FSHB: variants seen among roughly 807,000 people sequenced by gnomAD.
FSHB encodes the protein follicle stimulating hormone subunit beta, also known as follitropin subunit beta.
FSHB carries 8 observed loss-of-function variants against 12.1 expected under a neutral mutation model. That is an observed-to-expected ratio of 0.66 (90% CI 0.39 to 1.19). FSHB has a LOEUF of 1.19. FSHB is among the 50% of genes most tolerant of loss of function. The probability of loss-of-function intolerance (pLI) is 0.01; values close to 1 mark genes in which losing one functional copy is unlikely to be tolerated. For missense variants in FSHB, 153 were observed against 157.2 expected (o/e 0.97, Z 0.14); for synonymous variants, 55 against 54.6 (o/e 1.01, Z -0.04).
chr11:30,235,099 A>G lies in FSHB; in HGVS notation c.*1299A>G, dbSNP rs942796500. On this transcript the variant is annotated 3_prime_UTR_variant, in exon 3 of 3. Transcript: ENST00000533718. ...TGACTTAGATATTCTGTATTTTATA[A>G]TATTAGTGGAATGAAATCTTAAAAT... 3 of 151,692 alleles carry G rather than the reference A, an allele frequency of 2.0e-5. No individual in the cohort carries two copies. The highest frequency in any genetic ancestry group is 7.3e-5 in the African/African-American group (3 of 41,002). The allele number at this position is 151,692 out of a possible 1,614,324, so 9.4% of individuals were successfully genotyped here.
chr11:30,231,792 TGAG>T, intron 1 of FSHB, 71 bp from the exon 2 acceptor site: 2 of 1,157,596 alleles, frequency 1.7e-6, no homozygotes, highest in Non-Finnish European at 1.3e-6. Flanking sequence ...AAAATGTGAT[TGAG>T]GAGGATGAGC....
At chr11:30,232,250 T>C (rs1852018828) in intron 2 of FSHB, among the ~76,000 whole-genome samples, 189 bp downstream of exon 2, 1 of 152,228 alleles carries the variant, frequency 6.6e-6, no homozygotes, top group Non-Finnish European at 1.5e-5. Flanking sequence ...TGGATTTGAT[T>C]TGGGTAAATT....
At position 30,233,911 on chromosome 11, in the gene FSHB, C is replaced by A; in HGVS notation, c.*111C>A. 1.2e-6 allele frequency: 1 copy of A among 859,994 alleles called. No individual in the cohort carries two copies. The highest frequency in any genetic ancestry group is 1.9e-6 in the Non-Finnish European group (1 of 528,906). The allele number at this position is 859,994 out of a possible 1,614,324, so 53.3% of individuals were successfully genotyped here. ...GGACAAACCACTGGATCAGGGGATT[C>A]AGACTCTACTGATCCCTGGTCTACT... is the stretch of plus-strand genomic sequence containing the variant. On this transcript the variant is annotated 3_prime_UTR_variant, in exon 3 of 3. Transcript: ENST00000533718.
rs6170 is a variant in FSHB, at chr11:30,231,961, G to T, written c.59G>T (p.Ser20Ile). 3,940 of 1,613,922 alleles carry T rather than the reference G, an allele frequency of 2.4e-3. 10 individuals are homozygous for T. Among genetic ancestry groups the T allele is most frequent in the Non-Finnish European group, 2.8e-3 (3,266 of 1,179,880 alleles). The change falls in exon 2 of 3, where the codon AGC (serine) becomes ATC (isoleucine). Residue 20 changes from serine to isoleucine, a missense_variant. Transcript: ENST00000533718. ...FCCWKAICCNSCELTNITIAI... is the reference protein window; with the variant it reads ...FCCWKAICCNICELTNITIAI... ...TGCTGGAAAGCAATCTGCTGCAATAGCTGTGAGCTGACCAACATCACCATT... is the reference window on the plus strand; with the variant it reads ...TGCTGGAAAGCAATCTGCTGCAATATCTGTGAGCTGACCAACATCACCATT...
rs918339866 is a variant in FSHB at position 30,233,823 on chromosome 11, A to G, written c.*23A>G. Reference sequence around the variant, plus strand: ...TAAAGATCAGTGGACATTTCAGGCCACATACCCTTGTCCTGAAGGACCAAG... The same window carrying G: ...TAAAGATCAGTGGACATTTCAGGCCGCATACCCTTGTCCTGAAGGACCAAG... On this transcript the variant is annotated 3_prime_UTR_variant, in exon 3 of 3. Coordinates refer to ENST00000533718, the MANE Select transcript of FSHB (RefSeq NM_001382289.1). 1.5e-5 allele frequency: 24 copies of G among 1,592,882 alleles called. No individual in the cohort carries two copies. The highest frequency in any genetic ancestry group is 2.1e-5 in the Non-Finnish European group (24 of 1,161,522).
intron 2 of FSHB, 58 bp downstream of exon 2, chr11:30,232,119 C>G: frequency 6.5e-7 from 1 of 1,540,194 alleles, no homozygotes; most frequent in East Asian, 2.3e-5. Flanking sequence ...AGGCCGGTTT[C>G]ATTAGTTTCT....
Position 30,234,659 on chromosome 11 carries a change from C to T in FSHB, c.*859C>T. 1 of 152,116 alleles carries T rather than the reference C, an allele frequency of 6.6e-6. No individual in the cohort carries two copies. The highest frequency in any genetic ancestry group is 2.4e-5 in the African/African-American group (1 of 41,414). 9.4% of individuals were successfully genotyped at this position (152,116 alleles called of 1,614,324 possible). A position where few individuals can be genotyped will look rare whatever the true frequency, so the allele number is the denominator to read the frequency against. On this transcript the variant is annotated 3_prime_UTR_variant, in exon 3 of 3. Coordinates refer to ENST00000533718, the MANE Select transcript of FSHB (RefSeq NM_001382289.1). ...GAAAAAACCAAACTATCTCACCCTA[C>T]CCTCCCTAGGATCCACTTCTTTGGA...
At chr11:30,232,147 T>C in intron 2 of FSHB, 86 bp downstream of exon 2, 15 of 1,408,206 alleles carry the variant, frequency 1.1e-5, no homozygotes, top group Non-Finnish European at 1.2e-5. Context: ...CAATATTTTA[T>C]GTATTCTAAG....
chr11:30,231,949 T>A lies in FSHB; in HGVS notation c.47T>A (p.Ile16Asn). ...FFFLFCCWKA[I>N]CCNSCELTNI... ...TTCCTTTTCTGTTGCTGGAAAGCAA[T>A]CTGCTGCAATAGCTGTGAGCTGACC... Residue 16 changes from isoleucine (I) to asparagine (N), a missense_variant, in exon 2 of 3, where the codon ATC becomes AAC. Ile to Asn is a moderately radical substitution (Grantham distance 149). Coordinates refer to ENST00000533718, the MANE Select transcript of FSHB (RefSeq NM_001382289.1). 1 of 1,613,954 alleles carries A rather than the reference T, an allele frequency of 6.2e-7. No homozygotes were observed. The highest frequency in any genetic ancestry group is 1.1e-5 in the South Asian group (1 of 91,084).
At position 30,231,908 on chromosome 11, in the gene FSHB, G is replaced by A. The variant is rs770330659; in HGVS notation, c.6G>A (p.Lys2=). 9.3e-6 allele frequency: 15 copies of A among 1,613,680 alleles called. No homozygotes were observed. The African/African-American group carries it at 1.1e-4, about 11-fold the overall frequency. ...TGTTTGCTTCCCAGACCAGGATGAA[G>A]ACACTCCAGTTTTTCTTCCTTTTCT... M[K]TLQFFFLFCC... is the part of the protein sequence containing the mutation. The change falls in exon 2 of 3, where the codon AAG becomes AAA. Residue 2 remains lysine, a synonymous_variant. Transcript: ENST00000533718.
intron 1 of FSHB, 72 bp from the exon 2 acceptor site, chr11:30,231,794 A>G: frequency 8.5e-7 from 1 of 1,169,938 alleles, no homozygotes; most frequent in South Asian, 1.3e-5. Context: ...AATGTGATTG[A>G]GGAGGATGAG....
chr11:30,232,436 A>G (rs1852021236), intron 2 of FSHB, among the ~76,000 whole-genome samples: 1 of 152,004 alleles, frequency 6.6e-6, no homozygotes, highest in Non-Finnish European at 1.5e-5. Context: ...TTTAACTGAC[A>G]CTACATCTTT....
Position 30,233,878 on chromosome 11 carries a change from T to C in FSHB, c.*78T>C, listed in dbSNP as rs978755431. 8.4e-7 allele frequency: 1 copy of C among 1,195,164 alleles called. No individual in the cohort carries two copies. Among genetic ancestry groups the C allele is most frequent in the Admixed American group, 1.9e-5 (1 of 52,870 alleles). The allele number at this position is 1,195,164 out of a possible 1,614,324, so 74.0% of individuals were successfully genotyped here. A position where few individuals can be genotyped will look rare whatever the true frequency, so the allele number is the denominator to read the frequency against. On this transcript the variant is annotated 3_prime_UTR_variant, in exon 3 of 3. Transcript: ENST00000533718. ...TCAAAAAGTCTGTGTGTGTGCAATG[T>C]GCCCAGGGGACAAACCACTGGATCA...
chr11:30,231,972 A>G lies in FSHB; in HGVS notation c.70A>G (p.Thr24Ala), dbSNP rs758076265. The G allele has an allele frequency of 1.9e-6, 3 of 1,613,916 alleles. No individual in the cohort carries two copies. Among genetic ancestry groups the G allele is most frequent in the Non-Finnish European group, 2.5e-6 (3 of 1,179,866 alleles). The stretch of plus-strand genomic sequence containing the variant: ...AATCTGCTGCAATAGCTGTGAGCTG[A>G]CCAACATCACCATTGCAATAGAGAA... ...KAICCNSCEL[T>A]NITIAIEKEE... Residue 24 changes from threonine (T) to alanine (A), a missense_variant, in exon 2 of 3, where the codon ACC becomes GCC. By Grantham distance (58) the Thr-to-Ala change is moderately conservative. Transcript: ENST00000533718.
intron 2 of FSHB, among the ~76,000 whole-genome samples, chr11:30,232,445 T>G (rs35536959): frequency 6.6e-6 from 1 of 152,316 alleles, no homozygotes; most frequent in East Asian, 1.9e-4. Context: ...CACTACATCT[T>G]TGACACAAAA....
chr11:30,234,016 T>G lies in FSHB; in HGVS notation c.*216T>G. The G allele has an allele frequency of 1.8e-6, 1 of 560,136 alleles. No individual in the cohort carries two copies. Among genetic ancestry groups the G allele is most frequent in the South Asian group, 2.0e-5 (1 of 50,904 alleles). The allele number at this position is 560,136 out of a possible 1,614,324, so 34.7% of individuals were successfully genotyped here. ...TCAGCTCTATATTCCTAGGTCTGATTTCATAAGGTTTATTCAGTCTTAACT... is the reference window on the plus strand; with the variant it reads ...TCAGCTCTATATTCCTAGGTCTGATGTCATAAGGTTTATTCAGTCTTAACT... On this transcript the variant is annotated 3_prime_UTR_variant, in exon 3 of 3. Transcript: ENST00000533718.
At chr11:30,232,441 A>T (rs1057467883) in intron 2 of FSHB, among the ~76,000 whole-genome samples, 1 of 152,204 alleles carries the variant, frequency 6.6e-6, no homozygotes, top group African/African-American at 2.4e-5. Flanking sequence ...CTGACACTAC[A>T]TCTTTGACAC....
Position 30,233,943 on chromosome 11 carries a change from G to C in FSHB, c.*143G>C, listed in dbSNP as rs1852046252. On this transcript the variant is annotated 3_prime_UTR_variant, in exon 3 of 3. Transcript: ENST00000533718. ...TACTGATCCCTGGTCTACTGGCAGA[G>C]GGAACTCTGGGAATTGAGAGTGCTG... The C allele has an allele frequency of 4.2e-6, 3 of 711,364 alleles. No individual in the cohort carries two copies. Among genetic ancestry groups the C allele is most frequent in the Non-Finnish European group, 7.4e-6 (3 of 404,360 alleles). The allele number at this position is 711,364 out of a possible 1,614,324, so 44.1% of individuals were successfully genotyped here. A position where few individuals can be genotyped will look rare whatever the true frequency, so the allele number is the denominator to read the frequency against.
In FSHB at chr11:30,233,999, A is replaced by G; in HGVS notation, c.*199A>G. The G allele has an allele frequency of 3.3e-6, 2 of 603,080 alleles. No individual in the cohort carries two copies. The highest frequency in any genetic ancestry group is 2.9e-5 in the East Asian group (1 of 34,136). 37.4% of individuals were successfully genotyped at this position (603,080 alleles called of 1,614,324 possible). A position where few individuals can be genotyped will look rare whatever the true frequency, so the allele number is the denominator to read the frequency against. ...CAGGACTCCATCATGATTCAGCTCT[A>G]TATTCCTAGGTCTGATTTCATAAGG... is the stretch of plus-strand genomic sequence containing the variant. On this transcript the variant is annotated 3_prime_UTR_variant, in exon 3 of 3. Coordinates refer to ENST00000533718, the MANE Select transcript of FSHB (RefSeq NM_001382289.1).
Sources: gnomAD v4.1 joint callset for allele counts (sites outside exome capture counted in the v4.1 genomes callset) on GRCh38, gnomAD v4.1.1 for gene constraint, MANE v1.5 for transcripts, NCBI Gene and HGNC (gene_info 2026-07-23, HGNC 2026-07-21) for gene names.